The following ENTREP2 variants were observed in gnomAD, a reference collection of about 807,000 sequenced individuals.
The protein encoded by ENTREP2 is endosomal transmembrane epsin interactor 2, also known as protein ENTREP2.
At chr15:29,629,518 G>A in the ENTREP2 span, among the ~76,000 whole-genome samples, 12 of 151,904 alleles carry the variant, frequency 7.9e-5, no homozygotes, top group Admixed American at 2.0e-4. Context: ...GAAGCATATC[G>A]CAGTCTACTA....
the ENTREP2 span, among the ~76,000 whole-genome samples, chr15:29,594,226 G>T: frequency 6.6e-6 from 1 of 152,178 alleles, no homozygotes. Flanking sequence ...GATAAGTTGT[G>T]GTTCTCATCA....
At chr15:29,358,872 C>T in the ENTREP2 span, among the ~76,000 whole-genome samples, 24 of 152,032 alleles carry the variant, frequency 1.6e-4, no homozygotes, top group African/African-American at 5.8e-4. Context: ...TTATTTTAAA[C>T]AATTTGATTT....
the ENTREP2 span, among the ~76,000 whole-genome samples, chr15:29,247,422 G>T: frequency 1.3e-5 from 2 of 152,130 alleles, no homozygotes; most frequent in Non-Finnish European, 2.9e-5. Context: ...ACATTTTAAA[G>T]AAATAGATTA....
the ENTREP2 span, among the ~76,000 whole-genome samples, chr15:29,371,942 A>AGATAGATG: frequency 1.3e-5 from 2 of 152,106 alleles, no homozygotes; most frequent in African/African-American, 2.4e-5. Context: ...ATAGATAGAT[A>AGATAGATG]GATAGATAAA....
chr15:29,652,426 A>G, the ENTREP2 span, among the ~76,000 whole-genome samples: 1 of 152,234 alleles, frequency 6.6e-6, no homozygotes, highest in Non-Finnish European at 1.5e-5. Context: ...TTGCAGGGTA[A>G]GAACTCAAGG....
the ENTREP2 span, among the ~76,000 whole-genome samples, chr15:29,543,743 C>T: frequency 2.0e-5 from 3 of 151,212 alleles, no homozygotes; most frequent in Admixed American, 6.6e-5. Context: ...TGCGCCACTG[C>T]ACTCCAGCCT....
the ENTREP2 span, among the ~76,000 whole-genome samples, chr15:29,225,030 C>T: frequency 3.9e-5 from 6 of 152,206 alleles, no homozygotes; most frequent in Non-Finnish European, 8.8e-5. Context: ...GCGGGCTGGC[C>T]GGCCGCTCTG....
the ENTREP2 span, among the ~76,000 whole-genome samples, chr15:29,316,102 T>A: frequency 1.3e-5 from 2 of 152,292 alleles, no homozygotes; most frequent in East Asian, 3.9e-4. Context: ...TAACAGTAAA[T>A]GTCTTATATA....
At chr15:29,184,440 T>C in the ENTREP2 span, among the ~76,000 whole-genome samples, 1 of 152,198 alleles carries the variant, frequency 6.6e-6, no homozygotes, top group African/African-American at 2.4e-5. Context: ...CCACCTAGTC[T>C]CCGTCTCCTA....
At chr15:29,298,574 TATC>T in the ENTREP2 span, among the ~76,000 whole-genome samples, 1 of 152,134 alleles carries the variant, frequency 6.6e-6, no homozygotes, top group Non-Finnish European at 1.5e-5. Flanking sequence ...AAGAGGATAT[TATC>T]AACAAATTTA....
At chr15:29,664,474 C>T in the ENTREP2 span, among the ~76,000 whole-genome samples, 1 of 150,354 alleles carries the variant, frequency 6.7e-6, no homozygotes, top group South Asian at 2.1e-4. Context: ...AGCGCTCCTG[C>T]GCACTGCCTG....
the ENTREP2 span, among the ~76,000 whole-genome samples, chr15:29,223,289 G>A: frequency 1.3e-5 from 2 of 152,146 alleles, no homozygotes; most frequent in Admixed American, 1.3e-4. Flanking sequence ...GGTGGCAGCC[G>A]CTCCCTCCAG....
At chr15:29,618,355 G>A in the ENTREP2 span, among the ~76,000 whole-genome samples, 8 of 151,702 alleles carry the variant, frequency 5.3e-5, no homozygotes, top group Non-Finnish European at 1.2e-4. Flanking sequence ...CCCGGGAGGC[G>A]GAGGTTGCAG....
the ENTREP2 span, among the ~76,000 whole-genome samples, chr15:29,652,424 T>C: frequency 6.6e-6 from 1 of 152,180 alleles, no homozygotes; most frequent in South Asian, 2.1e-4. Flanking sequence ...GGTTGCAGGG[T>C]AAGAACTCAA....
chr15:29,139,950 G>A, the ENTREP2 span, among the ~76,000 whole-genome samples: 2 of 152,176 alleles, frequency 1.3e-5, no homozygotes, highest in Middle Eastern at 3.2e-3. Context: ...CGCTTCCCAG[G>A]CTGCCGTGCC....
At chr15:29,130,294 C>T in the ENTREP2 span, among the ~76,000 whole-genome samples, 1 of 152,162 alleles carries the variant, frequency 6.6e-6, no homozygotes, top group African/African-American at 2.4e-5. Context: ...GGGAGGGAAT[C>T]GGTGAGGGAG....
chr15:29,667,626 T>G, the ENTREP2 span, among the ~76,000 whole-genome samples: 1 of 151,590 alleles, frequency 6.6e-6, no homozygotes, highest in African/African-American at 2.4e-5. Context: ...CCCAAGTAGC[T>G]GGGATTACAG....
chr15:29,213,495 A>G, the ENTREP2 span, among the ~76,000 whole-genome samples: 2 of 152,112 alleles, frequency 1.3e-5, no homozygotes, highest in Admixed American at 6.6e-5. Flanking sequence ...GTCCTTGAAG[A>G]GGTCCTTCAC....
At chr15:29,223,314 T>C in the ENTREP2 span, among the ~76,000 whole-genome samples, 50 of 152,118 alleles carry the variant, frequency 3.3e-4, 1 homozygote, top group Non-Finnish European at 2.9e-5. Context: ...GTCCTCCTGG[T>C]TCTGGGCTGG....
Sources: allele counts gnomAD v4.1 joint callset (sites outside exome capture counted in the v4.1 genomes callset), GRCh38; gene constraint gnomAD v4.1.1; transcripts MANE v1.5; gene names NCBI Gene and HGNC (gene_info 2026-07-23, HGNC 2026-07-21).